The following CNTNAP5 variants were observed in gnomAD, a reference collection of about 807,000 sequenced individuals.
The protein encoded by CNTNAP5 is contactin-associated protein-like 5.
Under a neutral mutation model 150.2 loss-of-function variants are expected in CNTNAP5, and 72 were observed. That is an observed-to-expected ratio of 0.48 (90% CI 0.40 to 0.58). The LOEUF (loss-of-function observed/expected upper bound fraction) is 0.58, where lower values mean the gene tolerates loss of function less well. Among genes scored for constraint, CNTNAP5 ranks in the 20% least tolerant of loss-of-function variants. The pLI, the probability that CNTNAP5 is intolerant of heterozygous loss-of-function variation, is 0.00. For synonymous variants in CNTNAP5, 672 were observed against 619.8 expected (o/e 1.08, Z -1.25); for missense variants, 1,636 against 1,626.2 (o/e 1.01, Z -0.10).
intron 3 of CNTNAP5, among the ~76,000 whole-genome samples, chr2:124,343,928 G>A (rs1453756793): frequency 2.0e-5 from 3 of 152,192 alleles, no homozygotes; most frequent in Non-Finnish European, 2.9e-5. Context: ...TATGTGCGAA[G>A]AGGCCAAACC....
intron 1 of CNTNAP5, among the ~76,000 whole-genome samples, chr2:124,083,529 A>C (rs1466079499): frequency 6.6e-6 from 1 of 152,006 alleles, no homozygotes; most frequent in Non-Finnish European, 1.5e-5. Context: ...AATAGTTTTT[A>C]CTGTTTTTTT....
intron 1 of CNTNAP5, among the ~76,000 whole-genome samples, chr2:124,142,473 G>A (rs1230495010): frequency 3.3e-5 from 5 of 149,844 alleles, no homozygotes; most frequent in Non-Finnish European, 5.9e-5. Context: ...CTAGAACTCA[G>A]GATTAAGAAT....
intron 19 of CNTNAP5, among the ~76,000 whole-genome samples, chr2:124,833,323 T>C (rs1190428463): frequency 6.6e-6 from 1 of 152,140 alleles, no homozygotes; most frequent in Non-Finnish European, 1.5e-5. Flanking sequence ...GTATGAGATC[T>C]GAGACTCAGG....
At chr2:124,556,564 G>T (rs1367850493) in intron 10 of CNTNAP5, among the ~76,000 whole-genome samples, 3 of 152,034 alleles carry the variant, frequency 2.0e-5, no homozygotes, top group African/African-American at 7.2e-5. Context: ...TAACTGAAGG[G>T]GTCAAGAACG....
At chr2:124,685,152 A>G (rs776705344) in intron 13 of CNTNAP5, among the ~76,000 whole-genome samples, 1 of 152,158 alleles carries the variant, frequency 6.6e-6, no homozygotes, top group Non-Finnish European at 1.5e-5. Flanking sequence ...ATTGCTTGTG[A>G]GCCGAGACAC....
intron 1 of CNTNAP5, among the ~76,000 whole-genome samples, chr2:124,094,000 G>A (rs948930414): frequency 1.3e-5 from 2 of 152,188 alleles, no homozygotes; most frequent in Non-Finnish European, 2.9e-5. Flanking sequence ...CTAATAGAGA[G>A]CTAATGGATG....
intron 3 of CNTNAP5, among the ~76,000 whole-genome samples, chr2:124,331,399 T>C (rs1335565360): frequency 6.6e-6 from 1 of 152,040 alleles, no homozygotes; most frequent in Non-Finnish European, 1.5e-5. Context: ...GAATAGTATA[T>C]CTATGCAAGT....
chr2:124,137,459 TA>T (rs1375406915), intron 1 of CNTNAP5, among the ~76,000 whole-genome samples: 1 of 152,206 alleles, frequency 6.6e-6, no homozygotes. Flanking sequence ...CTTTGAATTC[TA>T]AAATAAACTA....
chr2:124,792,615 C>A (rs185569486), intron 18 of CNTNAP5, among the ~76,000 whole-genome samples: 1 of 152,226 alleles, frequency 6.6e-6, no homozygotes, highest in East Asian at 1.9e-4. Context: ...ATAACAATCA[C>A]CACCATCAGT....
chr2:124,092,379 T>C lies in CNTNAP5; in HGVS notation c.82+66647T>C, dbSNP rs13010594. Among the ~76,000 whole-genome samples, 1,191 of 152,332 alleles carry C rather than the reference T, an allele frequency of 7.8e-3. 5 individuals are homozygous for C. The highest frequency in any genetic ancestry group is 0.012 in the Non-Finnish European group (812 of 68,028). ...CTACATATCATCCCCATTACTGTTG[T>C]TGCTGCTGCTTTTCCTCCTCCACCT... On this transcript the variant is annotated intron_variant, in intron 1 of 23. Transcript: ENST00000682447.
chr2:124,539,152 G>A (rs1695318248), intron 10 of CNTNAP5, among the ~76,000 whole-genome samples: 1 of 152,166 alleles, frequency 6.6e-6, no homozygotes, highest in Admixed American at 6.5e-5. Context: ...AAAAAGGCAG[G>A]TCTGACCTGC....
In CNTNAP5 at chr2:124,025,405, G is replaced by A; in HGVS notation, c.-246G>A. On this transcript the variant is annotated 5_prime_UTR_variant, in exon 1 of 24. Coordinates refer to ENST00000682447, the MANE Select transcript of CNTNAP5 (RefSeq NM_001367498.1). Reference sequence around the variant, plus strand: ...GAGGGGGGAAGAGAAGGAAGAGGCGGGCGAGGAAGGCGAGTCCAGCTAGCG... The same window carrying A: ...GAGGGGGGAAGAGAAGGAAGAGGCGAGCGAGGAAGGCGAGTCCAGCTAGCG... 1.8e-6 allele frequency: 1 copy of A among 557,282 alleles called. No homozygotes were observed. Among genetic ancestry groups the A allele is most frequent in the Non-Finnish European group, 3.2e-6 (1 of 309,474 alleles). 34.5% of individuals were successfully genotyped at this position (557,282 alleles called of 1,614,324 possible).
chr2:124,623,811 A>G (rs960129456), intron 12 of CNTNAP5, among the ~76,000 whole-genome samples: 3 of 152,208 alleles, frequency 2.0e-5, no homozygotes, highest in Admixed American at 2.0e-4. Flanking sequence ...AGACTCACTC[A>G]TGGGTGACAT....
At chr2:124,232,384 G>A (rs1280179111) in intron 2 of CNTNAP5, among the ~76,000 whole-genome samples, 1 of 152,116 alleles carries the variant, frequency 6.6e-6, no homozygotes, top group East Asian at 1.9e-4. Context: ...GGAGTCTACT[G>A]GATATGTTGT....
chr2:124,162,677 T>C (rs1200479933), intron 1 of CNTNAP5, among the ~76,000 whole-genome samples: 1 of 151,768 alleles, frequency 6.6e-6, no homozygotes, highest in African/African-American at 2.4e-5. Context: ...AAGATTAAAA[T>C]TTTTTAAACT....
intron 8 of CNTNAP5, among the ~76,000 whole-genome samples, chr2:124,509,194 G>T (rs1694495304): frequency 6.6e-6 from 1 of 152,188 alleles, no homozygotes; most frequent in Non-Finnish European, 1.5e-5. Flanking sequence ...TTTTAGGAAG[G>T]AAGTAGTTCT....
At chr2:124,632,579 AG>A (rs1407762046) in intron 12 of CNTNAP5, among the ~76,000 whole-genome samples, 2 of 151,994 alleles carry the variant, frequency 1.3e-5, no homozygotes, top group East Asian at 1.9e-4. Flanking sequence ...GGAGTGCATT[AG>A]GGGAAAAATC....
chr2:124,067,600 AG>A (rs1396336497), intron 1 of CNTNAP5, among the ~76,000 whole-genome samples: 9 of 152,244 alleles, frequency 5.9e-5, no homozygotes, highest in African/African-American at 1.9e-4. Context: ...ATAAATTTAC[AG>A]GTTCAAGAAA....
At chr2:124,606,599 G>A (rs1322012586) in intron 11 of CNTNAP5, among the ~76,000 whole-genome samples, 2 of 152,082 alleles carry the variant, frequency 1.3e-5, no homozygotes, top group South Asian at 2.1e-4. Flanking sequence ...CTGAGACTGC[G>A]CAATTTACAA....
Sources: allele counts gnomAD v4.1 joint callset (sites outside exome capture counted in the v4.1 genomes callset), GRCh38; gene constraint gnomAD v4.1.1; transcripts MANE v1.5; gene names NCBI Gene and HGNC (gene_info 2026-07-23, HGNC 2026-07-21).